FRMPD2: variants seen among roughly 807,000 people sequenced by gnomAD.
FRMPD2 encodes FERM and PDZ domain containing 2.
Under a neutral mutation model 140.1 loss-of-function variants are expected in FRMPD2, and 96 were observed. The ratio of observed to expected loss-of-function variants is 0.69; its 90% CI spans 0.58 to 0.81. The LOEUF is 0.81. FRMPD2 is among the 40% of genes least tolerant of loss of function. FRMPD2 has a pLI of 0.00. For synonymous variants in FRMPD2, 449 were observed against 547.6 expected (o/e 0.82, Z 2.52); for missense variants, 1,240 against 1,447.4 (o/e 0.86, Z 2.32).
intron 13 of FRMPD2, among the ~76,000 whole-genome samples, chr10:48,207,681 C>G (rs1012906653): frequency 6.6e-6 from 1 of 152,162 alleles, no homozygotes; most frequent in Non-Finnish European, 1.5e-5. Flanking sequence ...ACCAGGAAGA[C>G]GCCAGTCCCC....
At position 48,187,220 on chromosome 10, in the gene FRMPD2, A is replaced by T. The variant is rs371554767; in HGVS notation, c.2238T>A (p.Ser746=). 52 of 1,613,518 alleles carry T rather than the reference A, an allele frequency of 3.2e-5. No homozygotes were observed. The highest frequency in any genetic ancestry group is 3.4e-6 in the Non-Finnish European group (4 of 1,179,614). Residue 746 remains serine (S), a synonymous_variant, in exon 17 of 29, where the codon TCT becomes TCA. Transcript: ENST00000374201. The stretch of plus-strand genomic sequence containing the variant: ...CATGCATGCTCTGAACAGGTGGTCC[A>T]GAGAGAGAGTCCCAGGTCATTGGCT... ...IQKPMTWDSL[S]GPPVQSMHAG...
intron 10 of FRMPD2, among the ~76,000 whole-genome samples, chr10:48,228,324 T>A (rs150666839): frequency 6.6e-6 from 1 of 151,980 alleles, no homozygotes; most frequent in African/African-American, 2.4e-5. Context: ...AAGATATATC[T>A]ACTTAAAATG....
At position 48,184,616 on chromosome 10, in the gene FRMPD2, A is replaced by G. The variant is rs115887547; in HGVS notation, c.2534T>C (p.Met845Thr). The part of the protein sequence containing the change: ...EGFTFNMAVR[M>T]IQNSPDNIEL... Reference sequence around the variant, plus strand: ...TATGTTGTCAGGGGAATTCTGGATCATCCTAACAGCCATGTTGAATGTGAA... The same window carrying G: ...TATGTTGTCAGGGGAATTCTGGATCGTCCTAACAGCCATGTTGAATGTGAA... The change falls in exon 20 of 29, where the codon ATG (methionine) becomes ACG (threonine). Residue 845 changes from methionine to threonine, a missense_variant. Around this residue, in one of 6 missense-constraint regions of FRMPD2, gnomAD observed 1,161 missense variants for 1,055.9 expected, o/e 1.10. Coordinates refer to ENST00000374201, the MANE Select transcript of FRMPD2 (RefSeq NM_001018071.4). 6.2e-7 allele frequency: 1 copy of G among 1,613,598 alleles called. No homozygotes were observed. Among genetic ancestry groups the G allele is most frequent in the Non-Finnish European group, 8.5e-7 (1 of 1,179,606 alleles).
chr10:48,255,081 G>C (rs1176173681), intron 1 of FRMPD2, among the ~76,000 whole-genome samples: 2 of 151,848 alleles, frequency 1.3e-5, no homozygotes, highest in Non-Finnish European at 2.9e-5. Flanking sequence ...CCAGTCAATG[G>C]GCATTTTGGG....
chr10:48,225,557 A>AT (rs1441611171), intron 10 of FRMPD2, among the ~76,000 whole-genome samples: 1 of 152,206 alleles, frequency 6.6e-6, no homozygotes, highest in African/African-American at 2.4e-5. Flanking sequence ...TTTTGTCTTT[A>AT]AAAGCTTCCC....
rs551170251 is a variant in FRMPD2, at chr10:48,204,814, T to C, written c.1797+1934A>G. Among the ~76,000 whole-genome samples, 298 of 152,346 alleles carry C rather than the reference T, an allele frequency of 2.0e-3. 1 individual carries two copies. Among genetic ancestry groups the C allele is most frequent in the African/African-American group, 6.9e-3 (286 of 41,588 alleles). ...ATGCATTTCTCTTCAGAGATTTAAC[T>C]AGTGCTGATAACTATGGACAGTTAC... On this transcript the variant is annotated intron_variant, in intron 14 of 28. Coordinates refer to ENST00000374201, the MANE Select transcript of FRMPD2 (RefSeq NM_001018071.4).
At chr10:48,266,614 G>T (rs1352514875) in intron 1 of FRMPD2, among the ~76,000 whole-genome samples, 2 of 152,216 alleles carry the variant, frequency 1.3e-5, no homozygotes, top group African/African-American at 4.8e-5. Flanking sequence ...CAAATAGTCA[G>T]CAAGGGCCTA....
intron 25 of FRMPD2, among the ~76,000 whole-genome samples, chr10:48,171,478 A>G (rs1198290227): frequency 2.6e-5 from 4 of 152,276 alleles, no homozygotes; most frequent in African/African-American, 9.6e-5. Context: ...AACAAAAAAT[A>G]AATAAAACAA....
At chr10:48,161,044 G>T (rs1164137476) in intron 28 of FRMPD2, among the ~76,000 whole-genome samples, 1 of 150,210 alleles carries the variant, frequency 6.7e-6, no homozygotes, top group East Asian at 2.0e-4. Context: ...TTCATCAACA[G>T]AACTACCACA....
chr10:48,188,925 G>C (rs932038983), intron 16 of FRMPD2, among the ~76,000 whole-genome samples: 2 of 152,186 alleles, frequency 1.3e-5, no homozygotes, highest in African/African-American at 4.8e-5. Context: ...CAGCGGCCAG[G>C]GGCTAGGTGG....
Position 48,251,637 on chromosome 10 carries a change from GCTTCA to G in FRMPD2, c.75_79del (p.Glu26SerfsTer3). ...GGACCAGATTTCCTCCTCAGACAGA[GCTTCA>G]CCCCTGACCTGTAGGGCGCTGGCCA... On this transcript the variant is annotated frameshift_variant, in exon 2 of 29. Coordinates refer to ENST00000374201, the MANE Select transcript of FRMPD2 (RefSeq NM_001018071.4). LOFTEE classifies it high-confidence loss of function. 1 of 1,614,216 alleles carries G rather than the reference GCTTCA, an allele frequency of 6.2e-7. No individual in the cohort carries two copies. The highest frequency in any genetic ancestry group is 8.5e-7 in the Non-Finnish European group (1 of 1,180,026).
chr10:48,212,161 A>G, intron 12 of FRMPD2, 52 bp from the exon 13 acceptor site: 2 of 1,572,894 alleles, frequency 1.3e-6, no homozygotes, highest in Non-Finnish European at 1.7e-6. Flanking sequence ...TGGCCGGGGG[A>G]CTCTGAGAGG....
chr10:48,248,008 C>A (rs954341949), intron 3 of FRMPD2, among the ~76,000 whole-genome samples: 1 of 152,204 alleles, frequency 6.6e-6, no homozygotes, highest in South Asian at 2.1e-4. Context: ...TGTGGGCTGA[C>A]TTACAGACAT....
intron 1 of FRMPD2, among the ~76,000 whole-genome samples, chr10:48,266,056 C>A (rs57211602): frequency 3.7e-4 from 57 of 152,068 alleles, no homozygotes; most frequent in Non-Finnish European, 7.2e-4. Context: ...TGAGATAATG[C>A]CCCTTTCAGG....
At chr10:48,233,151 A>G (rs892702014) in intron 9 of FRMPD2, among the ~76,000 whole-genome samples, 1 of 152,126 alleles carries the variant, frequency 6.6e-6, no homozygotes, top group African/African-American at 2.4e-5. Flanking sequence ...AGACACTAGC[A>G]TATGTGGCCT....
intron 24 of FRMPD2, among the ~76,000 whole-genome samples, chr10:48,174,590 T>C (rs1353351535): frequency 2.6e-5 from 4 of 151,208 alleles, no homozygotes; most frequent in African/African-American, 9.7e-5. Flanking sequence ...TCCATTCCGC[T>C]GTCTGATTCC....
rs769502352 is a variant in FRMPD2 at position 48,240,323 on chromosome 10, T to G, written c.700+37A>C. On this transcript the variant is annotated intron_variant, in intron 6 of 28. Coordinates refer to ENST00000374201, the MANE Select transcript of FRMPD2 (RefSeq NM_001018071.4). Reference sequence around the variant, plus strand: ...GCAGGAAAAAATAGAATGGGTACCATCAGCCCACGCAGGGACTGCTTAGGG... The same window carrying G: ...GCAGGAAAAAATAGAATGGGTACCAGCAGCCCACGCAGGGACTGCTTAGGG... 4 of 1,597,310 alleles carry G rather than the reference T, an allele frequency of 2.5e-6. No homozygotes were observed. The South Asian group carries it at 4.4e-5, about 18-fold the overall frequency.
At chr10:48,244,926 A>C (rs151127618) in intron 3 of FRMPD2, 77 bp from the exon 4 acceptor site, 2 of 1,090,358 alleles carry the variant, frequency 1.8e-6, no homozygotes, top group Non-Finnish European at 2.8e-6. Context: ...AATACAATCC[A>C]ATTTCCACAT....
chr10:48,234,436 G>A (rs1398869887), intron 9 of FRMPD2, among the ~76,000 whole-genome samples: 2 of 152,208 alleles, frequency 1.3e-5, no homozygotes, highest in East Asian at 3.8e-4. Context: ...CAGCCATGCT[G>A]TAAGGGGAAT....
Sources: gnomAD v4.1 joint callset for allele counts (sites outside exome capture counted in the v4.1 genomes callset) on GRCh38, gnomAD v4.1.1 for gene constraint, gnomAD v4.1.1 regional missense constraint, MANE v1.5 for transcripts, NCBI Gene and HGNC (gene_info 2026-07-23, HGNC 2026-07-21) for gene names.